DNAH1: variants seen among roughly 807,000 people sequenced by gnomAD.
The protein encoded by DNAH1 is axonemal beta dynein heavy chain 1.
In DNAH1, 327 loss-of-function variants were observed where a neutral mutation model predicts 484.3. The ratio of observed to expected loss-of-function variants is 0.68; its 90% CI spans 0.62 to 0.74. The LOEUF (loss-of-function observed/expected upper bound fraction) is 0.74, where lower values mean the gene tolerates loss of function less well. DNAH1 is among the 30% of genes least tolerant of loss of function. The pLI, the probability that DNAH1 is intolerant of heterozygous loss-of-function variation, is 0.00. For missense variants in DNAH1, 5,052 were observed against 5,546.8 expected (o/e 0.91, Z 2.83); for synonymous variants, 2,192 against 2,191.9 (o/e 1.00, Z 0.00).
intron 60 of DNAH1, among the ~76,000 whole-genome samples, chr3:52,390,053 G>A (rs1250771468): frequency 3.9e-5 from 6 of 152,196 alleles, no homozygotes; most frequent in African/African-American, 4.8e-5. Flanking sequence ...CCCAGGAGGC[G>A]GGGGTTGCAG....
At chr3:52,322,371 G>C (rs1701178359) in intron 1 of DNAH1, 38 bp from the exon 2 acceptor site, 1 of 1,444,168 alleles carries the variant, frequency 6.9e-7, no homozygotes, top group African/African-American at 1.4e-5. Context: ...TAAGACAGAG[G>C]CTGGCAAGGG....
chr3:52,394,638 C>T lies in DNAH1; in HGVS notation c.10800C>T (p.Ile3600=). ...AGCACCTCTCAGAATTCCGGGTCAT[C>T]TTCGACAGCCTTGAGCCCCACCGGT... is the stretch of plus-strand genomic sequence containing the variant. ...FVKHLSEFRV[I]FDSLEPHREP... is the part of the protein sequence containing the mutation. Residue 3600 remains isoleucine (I), a synonymous_variant, in exon 67 of 78, where the codon ATC becomes ATT. Transcript: ENST00000420323. 1.3e-6 allele frequency: 2 copies of T among 1,581,364 alleles called. No homozygotes were observed. Among genetic ancestry groups the T allele is most frequent in the Non-Finnish European group, 1.7e-6 (2 of 1,161,036 alleles).
intron 46 of DNAH1, among the ~76,000 whole-genome samples, chr3:52,378,167 T>C (rs1425347545): frequency 6.6e-6 from 1 of 151,942 alleles, no homozygotes; most frequent in Non-Finnish European, 1.5e-5. Flanking sequence ...TGGTAAGCCC[T>C]CAAGGTCGGG....
At chr3:52,334,093 C>T (rs1437776326) in intron 8 of DNAH1, among the ~76,000 whole-genome samples, 1 of 152,170 alleles carries the variant, frequency 6.6e-6, no homozygotes, top group Non-Finnish European at 1.5e-5. Flanking sequence ...GTGCAAACAT[C>T]ATAGTGTGTA....
intron 48 of DNAH1, among the ~76,000 whole-genome samples, chr3:52,380,858 C>T (rs1703814010): frequency 6.6e-6 from 1 of 152,214 alleles, no homozygotes; most frequent in Non-Finnish European, 1.5e-5. Context: ...CTAGATTGGG[C>T]TGGTTGAGAT....
intron 6 of DNAH1, among the ~76,000 whole-genome samples, chr3:52,329,784 C>T (rs904031379): frequency 4.0e-5 from 6 of 150,834 alleles, no homozygotes; most frequent in Non-Finnish European, 7.4e-5. Context: ...GAGCTCGCGC[C>T]ATTGCACTCC....
intron 45 of DNAH1, 82 bp from the exon 46 acceptor site, chr3:52,375,873 C>T (rs1307088596): frequency 2.7e-6 from 4 of 1,502,286 alleles, no homozygotes; most frequent in South Asian, 1.2e-5. Context: ...GATGCTGTTT[C>T]CCCCACCATC....
At chr3:52,317,582 A>G (rs574483287) in intron 1 of DNAH1, among the ~76,000 whole-genome samples, 4 of 152,312 alleles carry the variant, frequency 2.6e-5, no homozygotes, top group South Asian at 4.1e-4. Context: ...CAAAGTTCTC[A>G]CGCTGCATTT....
intron 54 of DNAH1, 130 bp downstream of exon 54, chr3:52,385,577 A>G (rs957298525): frequency 1.0e-5 from 7 of 693,784 alleles, no homozygotes; most frequent in African/African-American, 5.3e-5. Flanking sequence ...AGCTTCCTCA[A>G]TCAGTAGCCA....
chr3:52,382,696 C>G (rs1703909372), intron 50 of DNAH1, among the ~76,000 whole-genome samples: 1 of 152,184 alleles, frequency 6.6e-6, no homozygotes, highest in Admixed American at 6.5e-5. Flanking sequence ...GTAAAGAAGG[C>G]CCTGGTAGCA....
intron 12 of DNAH1, 59 bp from the exon 13 acceptor site, chr3:52,348,829 C>A: frequency 6.4e-7 from 1 of 1,570,718 alleles, no homozygotes; most frequent in Non-Finnish European, 8.6e-7. Flanking sequence ...CATCTCCCCT[C>A]TGCTCATTCA....
intron 70 of DNAH1, 144 bp from the exon 71 acceptor site, chr3:52,396,224 C>T (rs984217360): frequency 3.1e-5 from 28 of 894,254 alleles, no homozygotes; most frequent in Non-Finnish European, 3.7e-5. Context: ...TGAGCCACCG[C>T]GCCCAGCCAA....
Position 52,394,990 on chromosome 3 carries a change from G to A in DNAH1, c.10899G>A (p.Gly3633=). The A allele has an allele frequency of 6.2e-7, 1 of 1,612,628 alleles. No homozygotes were observed. The highest frequency in any genetic ancestry group is 8.5e-7 in the Non-Finnish European group (1 of 1,179,354). Residue 3633 remains glycine (G), a synonymous_variant, in exon 68 of 78, where the codon GGG becomes GGA. Coordinates refer to ENST00000420323, the MANE Select transcript of DNAH1 (RefSeq NM_015512.5). ...QKLLVLRCLR[G]DKVTNAMQDF... ...TGCTAGTCCTCCGCTGCCTGCGTGG[G>A]GACAAGGTTACCAACGCCATGCAGG...
rs1702562340 is a variant in DNAH1 at position 52,355,268 on chromosome 3, T to A, written c.3693+213T>A. Among the ~76,000 whole-genome samples the A allele has an allele frequency of 6.6e-6, 1 of 152,202 alleles. No individual in the cohort carries two copies. The highest frequency in any genetic ancestry group is 2.4e-5 in the African/African-American group (1 of 41,454). ...CCATCCATGAGGTTCAGCTACTGGA[T>A]GAGGCAGATAAGGGTGCGTAGGGGC... On this transcript the variant is annotated intron_variant, in intron 21 of 77. Coordinates refer to ENST00000420323, the MANE Select transcript of DNAH1 (RefSeq NM_015512.5). The surrounding 1 kb of genome is among the most constrained non-coding windows in gnomAD (Gnocchi z 4.5).
upstream of DNAH1, among the ~76,000 whole-genome samples, chr3:52,314,039 T>A (rs927466368): frequency 6.6e-6 from 1 of 151,914 alleles, no homozygotes; most frequent in South Asian, 2.1e-4. Context: ...GGGGGATGAG[T>A]GGATGGGAGG....
In DNAH1 at chr3:52,370,143, G is replaced by C; in HGVS notation, c.6172G>C (p.Glu2058Gln). ...SISFVRSSVK[E>Q]VIASTNCNLT... ...CTCCTTCGTTCGGTCCTCAGTGAAGGAGGTGATCGCCTCAACCAACTGCAA... is the reference window on the plus strand; with the variant it reads ...CTCCTTCGTTCGGTCCTCAGTGAAGCAGGTGATCGCCTCAACCAACTGCAA... The change falls in exon 39 of 78, where the codon GAG becomes CAG. Residue 2058 changes from glutamate (E) to glutamine (Q), a missense_variant. Glu to Gln is a conservative substitution (Grantham distance 29). Around this residue, in one of 4 missense-constraint regions of DNAH1, gnomAD observed 2,929 missense variants for 3,409.4 expected, o/e 0.86. Coordinates refer to ENST00000420323, the MANE Select transcript of DNAH1 (RefSeq NM_015512.5). 1 of 1,614,044 alleles carries C rather than the reference G, an allele frequency of 6.2e-7. No individual in the cohort carries two copies. The highest frequency in any genetic ancestry group is 1.3e-5 in the African/African-American group (1 of 75,062).
chr3:52,376,092 C>A, intron 46 of DNAH1, 99 bp downstream of exon 46: 1 of 1,464,010 alleles, frequency 6.8e-7, no homozygotes, highest in Non-Finnish European at 9.3e-7. Context: ...CGTGGTGAAC[C>A]ATCCTCAGGT....
intron 8 of DNAH1, among the ~76,000 whole-genome samples, chr3:52,335,404 A>ATT (rs34295466): frequency 0.012 from 891 of 73,690 alleles, 46 homozygotes; most frequent in African/African-American, 0.049. Context: ...GCAATGTGTG[A>ATT]TTTTTTTTTT....
chr3:52,344,406 C>A, intron 8 of DNAH1, 84 bp from the exon 9 acceptor site: 2 of 1,529,786 alleles, frequency 1.3e-6, no homozygotes, highest in East Asian at 2.3e-5. Context: ...TCCCCAGGTC[C>A]ATGCCAGAGC....
Sources: gnomAD v4.1 joint callset for allele counts (sites outside exome capture counted in the v4.1 genomes callset) on GRCh38, gnomAD v4.1.1 for gene constraint, gnomAD v4.1.1 regional missense constraint, Gnocchi (gnomAD v3.1) non-coding constraint, MANE v1.5 for transcripts, NCBI Gene and HGNC (gene_info 2026-07-23, HGNC 2026-07-21) for gene names.